The following LINC01488 variants were observed in gnomAD, a reference collection of about 807,000 sequenced individuals.
LINC01488 encodes the protein long independently transcribed non-coding RNA 1488, also known as CCND1-upstream intergenic DNA repair 1.
At chr11:69,481,663 G>T (rs1434166525) in exon 1 of LINC01488, 2 of 152,376 alleles carry the variant, frequency 1.3e-5, no homozygotes, top group African/African-American at 4.8e-5. Flanking sequence ...GAAGAGCTCT[G>T]TGGGGCAGAG....
At chr11:69,488,774 G>A (rs529897269) in intron 1 of LINC01488, among the ~76,000 whole-genome samples, 51 of 152,342 alleles carry the variant, frequency 3.3e-4, no homozygotes, top group African/African-American at 1.2e-3. Flanking sequence ...AGCATGGCAC[G>A]GGGCCCTGGG....
At chr11:69,483,995 C>G (rs1487557284) in intron 1 of LINC01488, among the ~76,000 whole-genome samples, 1 of 152,202 alleles carries the variant, frequency 6.6e-6, no homozygotes, top group Non-Finnish European at 1.5e-5. Context: ...GGGTGATGCC[C>G]GACTCACTCC....
chr11:69,489,116 C>A (rs1015421122), intron 1 of LINC01488, among the ~76,000 whole-genome samples: 9 of 152,200 alleles, frequency 5.9e-5, no homozygotes. Flanking sequence ...CTGTGGCCCC[C>A]AAACGCCCCT....
chr11:69,487,032 C>G (rs754552600), intron 1 of LINC01488, among the ~76,000 whole-genome samples: 1 of 152,248 alleles, frequency 6.6e-6, no homozygotes, highest in Non-Finnish European at 1.5e-5. Flanking sequence ...TCTGCATTCC[C>G]TGCCCCTGCC....
chr11:69,488,963 C>T (rs1252029274), intron 1 of LINC01488, among the ~76,000 whole-genome samples: 4 of 152,224 alleles, frequency 2.6e-5, no homozygotes, highest in Non-Finnish European at 5.9e-5. Context: ...ACCTCTGCCA[C>T]ACCTGCCAAA....
At chr11:69,485,966 G>C (rs1420975759) in intron 1 of LINC01488, 1 of 152,236 alleles carries the variant, frequency 6.6e-6, no homozygotes, top group Non-Finnish European at 1.5e-5. Context: ...AGGCCCCCTA[G>C]GCACTCTTGT....
At chr11:69,485,918 A>T (rs1388057168) in intron 1 of LINC01488, 2 of 152,170 alleles carry the variant, frequency 1.3e-5, no homozygotes, top group African/African-American at 4.8e-5. Flanking sequence ...TGCAGCAGGG[A>T]GCCTGCCAGG....
intron 1 of LINC01488, among the ~76,000 whole-genome samples, chr11:69,489,060 G>A (rs1394911251): frequency 6.6e-6 from 1 of 150,884 alleles, no homozygotes; most frequent in East Asian, 1.9e-4. Flanking sequence ...GTAATGGGAA[G>A]CTATGCCTTG....
chr11:69,489,134 G>T (rs184348852), intron 1 of LINC01488, among the ~76,000 whole-genome samples: 26 of 152,238 alleles, frequency 1.7e-4, no homozygotes, highest in Admixed American at 5.9e-4. Flanking sequence ...CCTCGGATTG[G>T]GGGGAGCTGG....
chr11:69,484,685 G>A (rs184754498), intron 1 of LINC01488, among the ~76,000 whole-genome samples: 15 of 152,360 alleles, frequency 9.8e-5, no homozygotes, highest in African/African-American at 3.1e-4. Flanking sequence ...CCTGTGTCGC[G>A]CTGGCCCACG....
At position 69,484,528 on chromosome 11, in the gene LINC01488, A is replaced by C. The variant is rs76872798; in HGVS notation, n.122+2745A>C. On this transcript the variant is annotated intron_variant and non_coding_transcript_variant, in intron 1 of 3. Coordinates refer to ENST00000644563, the Ensembl canonical transcript of LINC01488. ...TCCCCTGCCTCCCAAGGACACTTACAGAGGTGTTTTCACAAAGGACACCTC... is the reference window on the plus strand; with the variant it reads ...TCCCCTGCCTCCCAAGGACACTTACCGAGGTGTTTTCACAAAGGACACCTC... Among the ~76,000 whole-genome samples, 675 of 152,358 alleles carry C rather than the reference A, an allele frequency of 4.4e-3. 5 individuals carry two copies. Among genetic ancestry groups the C allele is most frequent in the African/African-American group, 0.015 (621 of 41,586 alleles).
chr11:69,484,773 G>T (rs114680918), intron 1 of LINC01488, among the ~76,000 whole-genome samples: 2,272 of 152,306 alleles, frequency 0.015, 49 homozygotes, highest in African/African-American at 0.051. Context: ...CTGGGGCCTC[G>T]TCTTCAGTCT....
At chr11:69,485,890 C>T (rs60902847) in intron 1 of LINC01488, 3,368 of 152,334 alleles carry the variant, frequency 0.022, 137 homozygotes, top group East Asian at 0.17. Flanking sequence ...CTTGTTTAGC[C>T]TCTGCTGCAT....
At chr11:69,488,820 C>A (rs1590871237) in intron 1 of LINC01488, among the ~76,000 whole-genome samples, 1 of 152,164 alleles carries the variant, frequency 6.6e-6, no homozygotes, top group South Asian at 2.1e-4. Flanking sequence ...GATTTGAGTG[C>A]CGGGGGCACC....
At chr11:69,485,090 G>C (rs541118614) in intron 1 of LINC01488, among the ~76,000 whole-genome samples, 34 of 152,300 alleles carry the variant, frequency 2.2e-4, no homozygotes, top group Admixed American at 2.2e-3. Context: ...ATGGGAAGTG[G>C]GGGGCGGGGT....
chr11:69,489,318 G>A (rs1179766435), intron 1 of LINC01488, among the ~76,000 whole-genome samples: 1 of 152,212 alleles, frequency 6.6e-6, no homozygotes, highest in African/African-American at 2.4e-5. Flanking sequence ...AGACTCCCAG[G>A]TCTTTCCTTC....
At chr11:69,488,863 A>G (rs537565511) in intron 1 of LINC01488, among the ~76,000 whole-genome samples, 1 of 152,168 alleles carries the variant, frequency 6.6e-6, no homozygotes, top group African/African-American at 2.4e-5. Context: ...GGGTGAGGCC[A>G]GCCTGGCCCA....
intron 1 of LINC01488, among the ~76,000 whole-genome samples, chr11:69,488,704 C>T (rs11263464): frequency 0.022 from 3,339 of 152,344 alleles, 132 homozygotes; most frequent in East Asian, 0.17. Flanking sequence ...GGTGCAGACA[C>T]ACAGTGGCTG....
chr11:69,483,176 G>C (rs1857064967), intron 1 of LINC01488, among the ~76,000 whole-genome samples: 1 of 152,160 alleles, frequency 6.6e-6, no homozygotes, highest in Non-Finnish European at 1.5e-5. Flanking sequence ...TCTGTGCAAG[G>C]GAGGGCAGCC....
Sources: allele counts gnomAD v4.1 joint callset (sites outside exome capture counted in the v4.1 genomes callset), GRCh38; gene constraint gnomAD v4.1.1; transcripts MANE v1.5; gene names NCBI Gene and HGNC (gene_info 2026-07-23, HGNC 2026-07-21).